The following SLC71A2 variants were observed in gnomAD, a reference collection of about 807,000 sequenced individuals.
The protein encoded by SLC71A2 is hippocampus abundant transcript-like 1.
chr9:94,393,690 G>C, the SLC71A2 span, among the ~76,000 whole-genome samples: 1 of 146,324 alleles, frequency 6.8e-6, no homozygotes, highest in South Asian at 2.3e-4. Context: ...AAAGGTTGTA[G>C]TGAGGATAAA....
At chr9:94,449,835 A>G in the SLC71A2 span, among the ~76,000 whole-genome samples, 8 of 152,262 alleles carry the variant, frequency 5.3e-5, no homozygotes, top group Non-Finnish European at 1.0e-4. Flanking sequence ...CAGCTAATGA[A>G]TGGATTAACA....
the SLC71A2 span, among the ~76,000 whole-genome samples, chr9:94,405,498 CAAAAAAAA>C: frequency 4.8e-4 from 29 of 59,822 alleles, no homozygotes; most frequent in Admixed American, 1.9e-4. Context: ...GACTCCGTCT[CAAAAAAAA>C]AAAAAAAAAA....
At chr9:94,394,060 T>A in the SLC71A2 span, among the ~76,000 whole-genome samples, 67 of 148,678 alleles carry the variant, frequency 4.5e-4, no homozygotes, top group East Asian at 0.013. Flanking sequence ...AAAAAAAAAA[T>A]CTTGGTAGAG....
the SLC71A2 span, among the ~76,000 whole-genome samples, chr9:94,375,360 G>A: frequency 4.0e-5 from 6 of 151,846 alleles, no homozygotes; most frequent in Non-Finnish European, 8.8e-5. Context: ...CGGCGTCGGA[G>A]GGGCGGTCCT....
At chr9:94,417,088 T>C in the SLC71A2 span, among the ~76,000 whole-genome samples, 12 of 152,170 alleles carry the variant, frequency 7.9e-5, no homozygotes, top group Admixed American at 7.9e-4. Flanking sequence ...GCCTGGGATA[T>C]AGTCGGTGCT....
the SLC71A2 span, among the ~76,000 whole-genome samples, chr9:94,408,827 G>GT: frequency 1.4e-5 from 1 of 72,978 alleles, no homozygotes; most frequent in African/African-American, 6.7e-5. Context: ...TGTTTTTTTT[G>GT]TTTGTTTGTT....
chr9:94,392,984 G>GGT, the SLC71A2 span, among the ~76,000 whole-genome samples: 6 of 152,272 alleles, frequency 3.9e-5, no homozygotes, highest in East Asian at 1.2e-3. Context: ...CTCTTACTGA[G>GGT]GTGGTTATCT....
the SLC71A2 span, among the ~76,000 whole-genome samples, chr9:94,400,146 A>G: frequency 6.6e-6 from 1 of 152,058 alleles, no homozygotes; most frequent in African/African-American, 2.4e-5. Context: ...GGTGTTGCCT[A>G]CTGAAGAGAA....
At chr9:94,390,007 G>A in the SLC71A2 span, among the ~76,000 whole-genome samples, 44 of 152,158 alleles carry the variant, frequency 2.9e-4, no homozygotes, top group Non-Finnish European at 4.0e-4. Context: ...GAGGTCAAGA[G>A]ATCAAGACCA....
At chr9:94,443,538 C>G in the SLC71A2 span, among the ~76,000 whole-genome samples, 1 of 151,734 alleles carries the variant, frequency 6.6e-6, no homozygotes, top group Non-Finnish European at 1.5e-5. Flanking sequence ...AGTGAGTTAA[C>G]ACTTACTAAG....
At chr9:94,416,218 T>C in the SLC71A2 span, among the ~76,000 whole-genome samples, 9 of 152,144 alleles carry the variant, frequency 5.9e-5, no homozygotes, top group Non-Finnish European at 1.3e-4. Flanking sequence ...AATTATTCTT[T>C]AAAAATTATT....
the SLC71A2 span, among the ~76,000 whole-genome samples, chr9:94,413,547 A>G: frequency 6.6e-6 from 1 of 151,810 alleles, no homozygotes; most frequent in Non-Finnish European, 1.5e-5. Flanking sequence ...GTTAGCTATT[A>G]AAAAGAATGT....
chr9:94,449,370 TAATAAAA>T, the SLC71A2 span, among the ~76,000 whole-genome samples: 2 of 152,212 alleles, frequency 1.3e-5, no homozygotes, highest in Non-Finnish European at 2.9e-5. Flanking sequence ...AGAACTCTTA[TAATAAAA>T]GACTTAATAG....
the SLC71A2 span, among the ~76,000 whole-genome samples, chr9:94,410,886 C>G: frequency 3.3e-5 from 5 of 152,196 alleles, no homozygotes; most frequent in African/African-American, 4.8e-5. Flanking sequence ...CTGCCTCAGC[C>G]TCCTGAGCAG....
chr9:94,390,686 C>T, the SLC71A2 span, among the ~76,000 whole-genome samples: 1 of 152,186 alleles, frequency 6.6e-6, no homozygotes, highest in African/African-American at 2.4e-5. Context: ...CATGCCTGAA[C>T]ATTTATGTTT....
chr9:94,455,183 A>ATTTTTTTCTTTTTTT, the SLC71A2 span, among the ~76,000 whole-genome samples: 2 of 20,526 alleles, frequency 9.7e-5, 1 homozygote, highest in African/African-American at 1.1e-3. Flanking sequence ...TTTTTTTTTG[A>ATTTTTTTCTTTTTTT]GAGAGAGAGG....
the SLC71A2 span, among the ~76,000 whole-genome samples, chr9:94,411,802 G>C: frequency 6.6e-6 from 1 of 151,992 alleles, no homozygotes; most frequent in Non-Finnish European, 1.5e-5. Context: ...TGATGGCCAG[G>C]CTTGTCATGA....
At chr9:94,443,296 A>G in the SLC71A2 span, among the ~76,000 whole-genome samples, 2 of 152,200 alleles carry the variant, frequency 1.3e-5, no homozygotes, top group Non-Finnish European at 2.9e-5. Context: ...CCCAGCCAGC[A>G]GAAGCAACTC....
the SLC71A2 span, chr9:94,432,770 C>T: frequency 7.8e-6 from 3 of 382,390 alleles, no homozygotes; most frequent in South Asian, 7.5e-5. Flanking sequence ...GCCAAGGTAA[C>T]ACTCAGGGAT....
Sources: gnomAD v4.1 joint callset for allele counts (sites outside exome capture counted in the v4.1 genomes callset) on GRCh38, gnomAD v4.1.1 for gene constraint, MANE v1.5 for transcripts, NCBI Gene and HGNC (gene_info 2026-07-23, HGNC 2026-07-21) for gene names.